Variants in JRK observed in about 807,000 individuals in gnomAD.
JRK encodes the protein jerky protein homolog.
For missense variants in JRK, 720 were observed against 509.2 expected (o/e 1.41, Z -3.98); for synonymous variants, 303 against 218.1 (o/e 1.39, Z -3.43).
chr8:142,667,592 C>G (rs782771160), intron 1 of JRK, among the ~76,000 whole-genome samples: 6 of 152,286 alleles, frequency 3.9e-5, no homozygotes, highest in African/African-American at 1.2e-4. Context: ...GACTAATTTA[C>G]GCCAGAAGCA....
At position 142,664,699 on chromosome 8, in the gene JRK, C is replaced by G; in HGVS notation, c.1360G>C (p.Ala454Pro). The change falls in exon 2 of 2, where the codon GCT becomes CCT. Residue 454 changes from alanine to proline, a missense_variant. By Grantham distance (27) the Ala-to-Pro change is conservative. Transcript: ENST00000612905. ...GREAEGGRPP[A>P]ATSPAEVVWS... is the part of the protein sequence containing the mutation. ...ACAACCTCTGCTGGCGACGTGGCAG[C>G]AGGGGGCCGTCCCCCTTCTGCCTCC... The G allele has an allele frequency of 6.2e-7, 1 of 1,608,236 alleles. No homozygotes were observed. Among genetic ancestry groups the G allele is most frequent in the Non-Finnish European group, 8.5e-7 (1 of 1,177,906 alleles).
In JRK at chr8:142,661,692, G is replaced by C. The variant is rs1299525737; in HGVS notation, c.*2660C>G. On this transcript the variant is annotated 3_prime_UTR_variant, in exon 2 of 2. Transcript: ENST00000612905. ...TCTGGCAAGCTCCAGGGCTTCCCAG[G>C]GGCCTCAGCAGCCCCAGAAACAGAG... is the stretch of plus-strand genomic sequence containing the variant. 1.0e-6 allele frequency: 1 copy of C among 985,378 alleles called. No homozygotes were observed. The highest frequency in any genetic ancestry group is 1.2e-6 in the Non-Finnish European group (1 of 829,996). 61.0% of individuals were successfully genotyped at this position (985,378 alleles called of 1,614,324 possible).
Position 142,665,224 on chromosome 8 carries a change from C to T in JRK, c.835G>A (p.Val279Met). Residue 279 changes from valine to methionine, a missense_variant, in exon 2 of 2, where the codon GTG becomes ATG. Physicochemically the swap from Val to Met is conservative, Grantham distance 21. Coordinates refer to ENST00000612905, the MANE Select transcript of JRK (RefSeq NM_003724.4). ...CCTATGGTTCTGAAGTGCTCTCTCACCGAGGGCACAAAGATATGATGGAAC... is the reference window on the plus strand; with the variant it reads ...CCTATGGTTCTGAAGTGCTCTCTCATCGAGGGCACAAAGATATGATGGAAC... ...DWFHHIFVPS[V>M]REHFRTIGLP... 1.4e-6 allele frequency: 1 copy of T among 717,958 alleles called. No homozygotes were observed. The highest frequency in any genetic ancestry group is 2.3e-4 in the Middle Eastern group (1 of 4,370). 44.5% of individuals were successfully genotyped at this position (717,958 alleles called of 1,614,324 possible).
At chr8:142,651,896 T>C in the JRK span, among the ~76,000 whole-genome samples, 2 of 152,088 alleles carry the variant, frequency 1.3e-5, no homozygotes, top group African/African-American at 4.8e-5. Flanking sequence ...AAAAACCTCA[T>C]CTTCCCTGTT....
Position 142,662,470 on chromosome 8 carries a change from G to GA in JRK, c.*1881dup, listed in dbSNP as rs1846946925. ...AGCCCAGAAATGGCACAAAGTACAT[G>GA]ATGTGCAGAAGTTCCCCAGACAATG... On this transcript the variant is annotated 3_prime_UTR_variant, in exon 2 of 2. Coordinates refer to ENST00000612905, the MANE Select transcript of JRK (RefSeq NM_003724.4). 2.2e-5 allele frequency: 19 copies of GA among 860,626 alleles called. No individual in the cohort carries two copies. In the South Asian group the frequency reaches 7.9e-4, roughly 36 times the overall value. The allele number at this position is 860,626 out of a possible 1,614,324, so 53.3% of individuals were successfully genotyped here.
the JRK span, among the ~76,000 whole-genome samples, chr8:142,644,523 T>C: frequency 6.6e-6 from 1 of 152,164 alleles, no homozygotes; most frequent in African/African-American, 2.4e-5. Context: ...AATTATGTCA[T>C]TTTTGGACTG....
chr8:142,658,757 T>C lies in JRK; in HGVS notation c.*5595A>G, dbSNP rs1554634074. The C allele has an allele frequency of 3.3e-6, 5 of 1,512,580 alleles. No homozygotes were observed. The highest frequency in any genetic ancestry group is 4.4e-6 in the Non-Finnish European group (5 of 1,126,688). The allele number at this position is 1,512,580 out of a possible 1,614,324, so 93.7% of individuals were successfully genotyped here. On this transcript the variant is annotated 3_prime_UTR_variant, in exon 2 of 2. Transcript: ENST00000612905. ...GTCCTTAACACCATCGTCATGGAGATGGAGGCCACAGACCTACCAACACCC... is the reference window on the plus strand; with the variant it reads ...GTCCTTAACACCATCGTCATGGAGACGGAGGCCACAGACCTACCAACACCC...
chr8:142,646,144 C>T, the JRK span, among the ~76,000 whole-genome samples: 1 of 152,204 alleles, frequency 6.6e-6, no homozygotes, highest in South Asian at 2.1e-4. Context: ...TTTAATTGTT[C>T]ACCTAAATTA....
rs921023504 is a variant in JRK, at chr8:142,665,043, A to G, written c.1016T>C (p.Phe339Ser). ...CGGAGGGTTAATGAAGTTCCTCATGAAATCTCTCCGAATGCCCTGCTCCAT... is the reference window on the plus strand; with the variant it reads ...CGGAGGGTTAATGAAGTTCCTCATGGAATCTCTCCGAATGCCCTGCTCCAT... ...QPMEQGIRRDFMRNFINPPVP... is the reference protein window; with the variant it reads ...QPMEQGIRRDSMRNFINPPVP... Residue 339 changes from phenylalanine to serine, a missense_variant, in exon 2 of 2, where the codon TTC becomes TCC. Transcript: ENST00000612905. The G allele has an allele frequency of 2.8e-6, 2 of 716,056 alleles. No homozygotes were observed. The highest frequency in any genetic ancestry group is 5.2e-6 in the Non-Finnish European group (2 of 383,730). 44.4% of individuals were successfully genotyped at this position (716,056 alleles called of 1,614,324 possible).
chr8:142,667,012 C>T (rs868923479), intron 1 of JRK, among the ~76,000 whole-genome samples: 1 of 152,182 alleles, frequency 6.6e-6, no homozygotes, highest in Non-Finnish European at 1.5e-5. Context: ...GGAGGAACTC[C>T]TCACTACCCT....
At position 142,661,874 on chromosome 8, in the gene JRK, G is replaced by T; in HGVS notation, c.*2478C>A. On this transcript the variant is annotated 3_prime_UTR_variant, in exon 2 of 2. Transcript: ENST00000612905. ...TGAAAACAAAGTGCTCGGAGGACAC[G>T]GCAGTCTCCATAAAGCGTTCTGGGG... is the stretch of plus-strand genomic sequence containing the variant. The T allele has an allele frequency of 1.0e-6, 1 of 985,502 alleles. No individual in the cohort carries two copies. The allele number at this position is 985,502 out of a possible 1,614,324, so 61.0% of individuals were successfully genotyped here. A position where few individuals can be genotyped will look rare whatever the true frequency, so the allele number is the denominator to read the frequency against.
Position 142,660,690 on chromosome 8 carries a change from C to T in JRK, c.*3662G>A. 1.0e-6 allele frequency: 1 copy of T among 985,402 alleles called. No individual in the cohort carries two copies. Among genetic ancestry groups the T allele is most frequent in the Non-Finnish European group, 1.2e-6 (1 of 829,876 alleles). 61.0% of individuals were successfully genotyped at this position (985,402 alleles called of 1,614,324 possible). On this transcript the variant is annotated 3_prime_UTR_variant, in exon 2 of 2. Transcript: ENST00000612905. ...GTACTGGGATTTCAGGCAGAAGCCA[C>T]CACACCCGGATCCCCAATAAGCACA...
chr8:142,650,121 G>C, the JRK span, among the ~76,000 whole-genome samples: 1 of 152,258 alleles, frequency 6.6e-6, no homozygotes, highest in Non-Finnish European at 1.5e-5. Context: ...CTGGATTTCA[G>C]ACTTGCATGG....
chr8:142,664,996 C>T lies in JRK; in HGVS notation c.1063G>A (p.Ala355Thr), dbSNP rs1554635464. The change falls in exon 2 of 2, where the codon GCC becomes ACC. Residue 355 changes from alanine (A) to threonine (T), a missense_variant. Transcript: ENST00000612905. The stretch of plus-strand genomic sequence containing the variant: ...ATGGCATCGTTCATGTTGTAGCGGG[C>T]GTGGGGGCCCTGCAGGGGGACCGGA... ...NPPVPLQGPHARYNMNDAIFS... is the reference protein window; with the variant it reads ...NPPVPLQGPHTRYNMNDAIFS... The T allele has an allele frequency of 2.8e-6, 2 of 723,018 alleles. No homozygotes were observed. The highest frequency in any genetic ancestry group is 3.5e-5 in the African/African-American group (2 of 57,574). The allele number at this position is 723,018 out of a possible 1,614,324, so 44.8% of individuals were successfully genotyped here.
the JRK span, among the ~76,000 whole-genome samples, chr8:142,650,201 C>A: frequency 6.6e-6 from 1 of 152,188 alleles, no homozygotes; most frequent in Non-Finnish European, 1.5e-5. Context: ...ATGCATGTAC[C>A]CCCATTGTAT....
rs781998245 is a variant in JRK at position 142,664,954 on chromosome 8, C to T, written c.1105G>A (p.Ala369Thr). 2.6e-6 allele frequency: 2 copies of T among 778,060 alleles called. No homozygotes were observed. The highest frequency in any genetic ancestry group is 4.6e-6 in the Non-Finnish European group (2 of 430,626). 48.2% of individuals were successfully genotyped at this position (778,060 alleles called of 1,614,324 possible). ...MNDAIFSVAC[A>T]WNAVPSHVFR... ...ACGTGGCTAGGGACTGCGTTCCAGG[C>T]ACAGGCCACGCTGAATATGGCATCG... is the stretch of plus-strand genomic sequence containing the variant. Residue 369 changes from alanine to threonine, a missense_variant, in exon 2 of 2, where the codon GCC becomes ACC. Physicochemically the swap from Ala to Thr is moderately conservative, Grantham distance 58. Coordinates refer to ENST00000612905, the MANE Select transcript of JRK (RefSeq NM_003724.4).
At position 142,658,972 on chromosome 8, in the gene JRK, T is replaced by A. The variant is rs782708299; in HGVS notation, c.*5380A>T. The A allele has an allele frequency of 6.2e-7, 1 of 1,606,578 alleles. No homozygotes were observed. Among genetic ancestry groups the A allele is most frequent in the Non-Finnish European group, 8.5e-7 (1 of 1,176,294 alleles). ...GAAACAACAGAACTTTGCTGCTTCA[T>A]GGAGGAGCGTCAGTATGTCCACACC... On this transcript the variant is annotated 3_prime_UTR_variant, in exon 2 of 2. Transcript: ENST00000612905.
At chr8:142,646,955 C>T in the JRK span, among the ~76,000 whole-genome samples, 1 of 152,124 alleles carries the variant, frequency 6.6e-6, no homozygotes, top group East Asian at 1.9e-4. Context: ...AATTAAATAG[C>T]CCTAAGTCTG....
At chr8:142,654,281 G>C (rs999066497), downstream of JRK, among the ~76,000 whole-genome samples, 1 of 152,092 alleles carries the variant, frequency 6.6e-6, no homozygotes. Context: ...CTCCTGGGGT[G>C]CTGGCCTCCC....
Sources: allele counts gnomAD v4.1 joint callset (sites outside exome capture counted in the v4.1 genomes callset), GRCh38; gene constraint gnomAD v4.1.1; transcripts MANE v1.5; gene names NCBI Gene and HGNC (gene_info 2026-07-23, HGNC 2026-07-21).